The following GSE1 variants were observed in gnomAD, a reference collection of about 807,000 sequenced individuals.
GSE1 encodes genetic suppressor element 1.
GSE1 carries 32 observed loss-of-function variants against 112.6 expected under a neutral mutation model. The observed-to-expected ratio is 0.28, with a 90% CI of 0.21 to 0.38. The LOEUF (loss-of-function observed/expected upper bound fraction) is 0.38, where lower values mean the gene tolerates loss of function less well. Among genes scored for constraint, GSE1 ranks in the 10% least tolerant of loss-of-function variants. The pLI, the probability that GSE1 is intolerant of heterozygous loss-of-function variation, is 1.00. For missense variants in GSE1, 2,348 were observed against 1,699.2 expected (o/e 1.38, Z -6.71); for synonymous variants, 1,115 against 735.6 (o/e 1.52, Z -8.35).
chr16:85,438,775 G>A (rs1306011732), intron 2 of GSE1, among the ~76,000 whole-genome samples: 1 of 152,220 alleles, frequency 6.6e-6, no homozygotes, highest in Non-Finnish European at 1.5e-5. Flanking sequence ...TTTCAGGGGT[G>A]AAGAAGCAAA....
chr16:85,550,300 G>A (rs1243724229), intron 2 of GSE1, among the ~76,000 whole-genome samples: 1 of 152,156 alleles, frequency 6.6e-6, no homozygotes, highest in Non-Finnish European at 1.5e-5. Context: ...GTGTCCTTGG[G>A]CAAGCTGCTC....
At chr16:85,599,986 G>A (rs998938981) in intron 1 of GSE1, among the ~76,000 whole-genome samples, 3 of 152,178 alleles carry the variant, frequency 2.0e-5, no homozygotes, top group Admixed American at 2.0e-4. Context: ...TCCCTGTGAC[G>A]GGGACCTGGC....
chr16:85,241,116 C>T (rs1405286400), intron 1 of GSE1, among the ~76,000 whole-genome samples: 1 of 152,222 alleles, frequency 6.6e-6, no homozygotes, highest in Middle Eastern at 3.2e-3. Flanking sequence ...CTGAGACAGA[C>T]CTGAGCTTGA....
chr16:85,476,296 G>C (rs983125940), intron 2 of GSE1, among the ~76,000 whole-genome samples: 2 of 152,194 alleles, frequency 1.3e-5, no homozygotes, highest in South Asian at 4.1e-4. Context: ...ATGGCGCTCA[G>C]TGGAATCGGG....
At chr16:85,230,661 T>A (rs544875817) in intron 1 of GSE1, among the ~76,000 whole-genome samples, 58 of 152,296 alleles carry the variant, frequency 3.8e-4, no homozygotes, top group African/African-American at 1.3e-3. Context: ...GGGGAGAGAT[T>A]CTTAGCAAAT....
intron 1 of GSE1, among the ~76,000 whole-genome samples, chr16:85,287,998 G>C (rs1256446901): frequency 6.6e-6 from 1 of 152,208 alleles, no homozygotes; most frequent in Non-Finnish European, 1.5e-5. Flanking sequence ...CCAGCACTTC[G>C]GGAGGCCGAG....
chr16:85,334,298 C>G (rs931783318), intron 1 of GSE1, among the ~76,000 whole-genome samples: 5 of 152,222 alleles, frequency 3.3e-5, no homozygotes, highest in African/African-American at 9.7e-5. Context: ...CCTCACTGGC[C>G]TCTGTTTTGT....
intron 2 of GSE1, among the ~76,000 whole-genome samples, chr16:85,644,667 T>G (rs1358771178): frequency 2.0e-5 from 3 of 152,050 alleles, no homozygotes; most frequent in Admixed American, 6.6e-5. Context: ...ACGGGAGTGG[T>G]TGCTCATGGG....
At chr16:85,456,877 C>G (rs80082051) in intron 2 of GSE1, among the ~76,000 whole-genome samples, 1 of 152,050 alleles carries the variant, frequency 6.6e-6, no homozygotes, top group Non-Finnish European at 1.5e-5. Flanking sequence ...AGGAGAGACA[C>G]CGGCAGGCTG....
At chr16:85,240,676 G>A (rs967465635) in intron 1 of GSE1, among the ~76,000 whole-genome samples, 5 of 152,306 alleles carry the variant, frequency 3.3e-5, no homozygotes, top group South Asian at 2.1e-4. Flanking sequence ...TGCGCCCTGC[G>A]AGGTTCCTCG....
At chr16:85,523,419 C>G (rs2052257894) in intron 2 of GSE1, among the ~76,000 whole-genome samples, 1 of 152,234 alleles carries the variant, frequency 6.6e-6, no homozygotes, top group African/African-American at 2.4e-5. Context: ...CAGGAAGGTG[C>G]TGGGTAAATA....
chr16:85,510,148 G>T (rs1007213247), intron 2 of GSE1, among the ~76,000 whole-genome samples: 1 of 152,202 alleles, frequency 6.6e-6, no homozygotes, highest in Admixed American at 6.5e-5. Context: ...CTGCCCCTCG[G>T]CTCTCCCATC....
intron 1 of GSE1, among the ~76,000 whole-genome samples, chr16:85,222,869 G>A (rs1292957390): frequency 2.0e-5 from 3 of 152,170 alleles, no homozygotes; most frequent in Non-Finnish European, 4.4e-5. Context: ...CCTTCATACG[G>A]TGGCTTTTCT....
chr16:85,382,798 GCA>G (rs199702341), intron 2 of GSE1, among the ~76,000 whole-genome samples: 8,153 of 150,310 alleles, frequency 0.054, 695 homozygotes, highest in African/African-American at 0.19. Context: ...CACAACACAT[GCA>G]CACACACTCA....
intron 2 of GSE1, among the ~76,000 whole-genome samples, chr16:85,482,051 T>C (rs897890134): frequency 2.0e-4 from 30 of 152,252 alleles, no homozygotes; most frequent in Non-Finnish European, 3.4e-4. Flanking sequence ...TTGGATTTCA[T>C]GTCCCCACCC....
At chr16:85,271,761 G>A (rs536699537) in intron 1 of GSE1, among the ~76,000 whole-genome samples, 1 of 152,330 alleles carries the variant, frequency 6.6e-6, no homozygotes, top group South Asian at 2.1e-4. Context: ...CAGAGGGGAA[G>A]TGGGGAGAGC....
chr16:85,445,439 A>AG (rs1292570484), intron 2 of GSE1, among the ~76,000 whole-genome samples: 1 of 152,050 alleles, frequency 6.6e-6, no homozygotes, highest in Non-Finnish European at 1.5e-5. Context: ...ACGCACAGCG[A>AG]GGGGGGGCGG....
At chr16:85,389,530 T>C (rs986932669) in intron 2 of GSE1, among the ~76,000 whole-genome samples, 2 of 151,888 alleles carry the variant, frequency 1.3e-5, no homozygotes, top group Non-Finnish European at 2.9e-5. Context: ...TCACATTATT[T>C]TCATCTGGTT....
Position 85,356,020 on chromosome 16 carries a change from C to A in GSE1, c.2284-1443C>A, listed in dbSNP as rs763757983. The stretch of plus-strand genomic sequence containing the variant: ...CCAGCCTGGGTGACAGAGTGAGACT[C>A]CATCTCAAAATAAAATAAAAAATAA... On this transcript the variant is annotated intron_variant, in intron 1 of 2. Coordinates refer to the GSE1 transcript ENST00000637419. 2.0e-5 allele frequency among the ~76,000 whole-genome samples: 3 copies of A among 152,046 alleles called. No homozygotes were observed. The East Asian group carries it at 5.8e-4, about 29-fold the overall frequency.
Sources: gnomAD v4.1 joint callset for allele counts (sites outside exome capture counted in the v4.1 genomes callset) on GRCh38, gnomAD v4.1.1 for gene constraint, MANE v1.5 for transcripts, NCBI Gene and HGNC (gene_info 2026-07-23, HGNC 2026-07-21) for gene names.